The following PPARGC1A variants were observed in gnomAD, a reference collection of about 807,000 sequenced individuals.
PPARGC1A encodes peroxisome proliferator-activated receptor gamma coactivator 1-alpha.
PPARGC1A carries 25 observed loss-of-function variants against 88.7 expected under a neutral mutation model. That is an observed-to-expected ratio of 0.28 (90% CI 0.21 to 0.39). The LOEUF (loss-of-function observed/expected upper bound fraction) is 0.39, where lower values mean the gene tolerates loss of function less well. PPARGC1A is among the 10% of genes least tolerant of loss of function. PPARGC1A has a pLI of 1.00. For synonymous variants in PPARGC1A, 363 were observed against 355.6 expected (o/e 1.02, Z -0.24); for missense variants, 880 against 968.7 (o/e 0.91, Z 1.22).
chr4:23,796,033 T>C (rs1717536007), intron 12 of PPARGC1A, 108 bp from the exon 13 acceptor site: 12 of 783,808 alleles, frequency 1.5e-5, no homozygotes, highest in Admixed American at 9.3e-5. Context: ...CCAATCAATA[T>C]ACTTTAGAAA....
At chr4:24,202,564 A>G in the PPARGC1A span, among the ~76,000 whole-genome samples, 1 of 152,216 alleles carries the variant, frequency 6.6e-6, no homozygotes, top group Non-Finnish European at 1.5e-5. Flanking sequence ...ATTAATAAAT[A>G]CTAAATGACC....
intron 7 of PPARGC1A, 31 bp from the exon 8 acceptor site, chr4:23,814,636 A>G (rs77156641): frequency 8.3e-7 from 1 of 1,205,596 alleles, no homozygotes; most frequent in Non-Finnish European, 1.1e-6. Context: ...AAAAAAAAAA[A>G]GAGAGAGAAA....
At chr4:24,282,930 G>C in the PPARGC1A span, among the ~76,000 whole-genome samples, 1 of 152,174 alleles carries the variant, frequency 6.6e-6, no homozygotes, top group African/African-American at 2.4e-5. Flanking sequence ...AGAATCATTT[G>C]ACTGACCTTC....
At chr4:24,392,250 T>A in the PPARGC1A span, among the ~76,000 whole-genome samples, 147,519 of 151,790 alleles carry the variant, frequency 0.97, 71,801 homozygotes, top group East Asian at 1. Context: ...AGGCTTTTTT[T>A]AAAAAAAATA....
At chr4:24,404,244 CAG>C in the PPARGC1A span, among the ~76,000 whole-genome samples, 2 of 151,816 alleles carry the variant, frequency 1.3e-5, no homozygotes, top group African/African-American at 2.4e-5. Context: ...GCCTGGGTGA[CAG>C]AGTGAGACTC....
the PPARGC1A span, among the ~76,000 whole-genome samples, chr4:24,313,105 A>G: frequency 6.6e-6 from 1 of 152,230 alleles, no homozygotes; most frequent in Non-Finnish European, 1.5e-5. Context: ...TGATAACACA[A>G]CAAATAATAT....
the PPARGC1A span, among the ~76,000 whole-genome samples, chr4:24,066,128 C>A: frequency 6.6e-6 from 1 of 151,942 alleles, no homozygotes; most frequent in East Asian, 2.0e-4. Flanking sequence ...TTCCACCGAA[C>A]ACCTCCCTCA....
the PPARGC1A span, among the ~76,000 whole-genome samples, chr4:23,960,167 G>T: frequency 2.0e-5 from 3 of 152,124 alleles, no homozygotes; most frequent in Non-Finnish European, 2.9e-5. Flanking sequence ...AGATAGGAAG[G>T]TCTAAATATT....
At chr4:24,130,599 C>T in the PPARGC1A span, among the ~76,000 whole-genome samples, 1 of 152,070 alleles carries the variant, frequency 6.6e-6, no homozygotes, top group African/African-American at 2.4e-5. Flanking sequence ...CAAGAAGGCC[C>T]AACTCATTTT....
chr4:24,395,740 T>C, the PPARGC1A span, among the ~76,000 whole-genome samples: 2 of 152,082 alleles, frequency 1.3e-5, no homozygotes, highest in African/African-American at 4.8e-5. Flanking sequence ...GCATTGCTGT[T>C]CCAACTCACG....
chr4:23,938,107 T>TAA, the PPARGC1A span, among the ~76,000 whole-genome samples: 1 of 146,368 alleles, frequency 6.8e-6, no homozygotes, highest in East Asian at 2.0e-4. Flanking sequence ...TCAGGGAGAC[T>TAA]AAAAAAAAAA....
chr4:24,130,652 C>T, the PPARGC1A span, among the ~76,000 whole-genome samples: 1 of 152,110 alleles, frequency 6.6e-6, no homozygotes, highest in African/African-American at 2.4e-5. Flanking sequence ...ACCAAGCTTC[C>T]CATTATGCAC....
the PPARGC1A span, among the ~76,000 whole-genome samples, chr4:24,194,574 C>A: frequency 1.3e-5 from 2 of 151,324 alleles, no homozygotes; most frequent in African/African-American, 2.4e-5. Context: ...AAATGTATGT[C>A]AAAAGAACCA....
the PPARGC1A span, among the ~76,000 whole-genome samples, chr4:24,451,201 A>G: frequency 6.6e-6 from 1 of 152,110 alleles, no homozygotes; most frequent in Non-Finnish European, 1.5e-5. Context: ...AAAAATGGAT[A>G]TTGTTTCTAT....
the PPARGC1A span, among the ~76,000 whole-genome samples, chr4:24,311,348 G>A: frequency 1.0e-4 from 15 of 147,086 alleles, no homozygotes; most frequent in African/African-American, 2.7e-4. Flanking sequence ...TGATCCGCCC[G>A]CCTCTGCCTC....
the PPARGC1A span, among the ~76,000 whole-genome samples, chr4:24,463,512 A>G: frequency 6.6e-6 from 1 of 152,242 alleles, no homozygotes; most frequent in Non-Finnish European, 1.5e-5. Flanking sequence ...ACATTGCGGA[A>G]CTGCCGTCAT....
the PPARGC1A span, among the ~76,000 whole-genome samples, chr4:23,967,745 T>G: frequency 6.6e-6 from 1 of 152,246 alleles, no homozygotes; most frequent in African/African-American, 2.4e-5. Context: ...CCTCCTTTCT[T>G]TTGAATATTG....
the PPARGC1A span, among the ~76,000 whole-genome samples, chr4:24,043,382 T>C: frequency 6.6e-6 from 1 of 152,226 alleles, no homozygotes; most frequent in Admixed American, 6.5e-5. Flanking sequence ...GTTTGAACTC[T>C]ACAGCCTGAG....
chr4:24,306,078 C>G, the PPARGC1A span, among the ~76,000 whole-genome samples: 3 of 152,162 alleles, frequency 2.0e-5, no homozygotes, highest in Non-Finnish European at 4.4e-5. Context: ...ACACAATCCA[C>G]AGAAGCAGAT....
Sources: allele counts gnomAD v4.1 joint callset (sites outside exome capture counted in the v4.1 genomes callset), GRCh38; gene constraint gnomAD v4.1.1; transcripts MANE v1.5; gene names NCBI Gene and HGNC (gene_info 2026-07-23, HGNC 2026-07-21).